ANOS1: variants seen among roughly 807,000 people sequenced by gnomAD.
ANOS1 encodes anosmin 1, also known as anosmin-1.
ANOS1 carries 6 observed loss-of-function variants against 59.0 expected under a neutral mutation model. That is an observed-to-expected ratio of 0.10 (90% CI 0.06 to 0.20). The LOEUF (loss-of-function observed/expected upper bound fraction) is 0.20, where lower values mean the gene tolerates loss of function less well. ANOS1 is among the 10% of genes least tolerant of loss of function. The pLI, the probability that ANOS1 is intolerant of heterozygous loss-of-function variation, is 1.00. For missense variants in ANOS1, 433 were observed against 542.3 expected (o/e 0.80, Z 2.00); for synonymous variants, 217 against 223.4 (o/e 0.97, Z 0.25).
intron 2 of ANOS1, among the ~76,000 whole-genome samples, chrX:8,641,920 G>A: frequency 9.0e-6 from 1 of 111,600 alleles, no homozygotes; most frequent in East Asian, 2.8e-4. Context: ...AGGGGCAAAG[G>A]AAGAGACACA....
At chrX:8,649,849 T>A (rs2146863303) in intron 2 of ANOS1, among the ~76,000 whole-genome samples, 1 of 112,527 alleles carries the variant, frequency 8.9e-6, no homozygotes, top group South Asian at 3.7e-4. Context: ...AGGAAGCCAA[T>A]CAAGTTCAAG....
intron 6 of ANOS1, among the ~76,000 whole-genome samples, chrX:8,580,916 TG>T (rs1249928325): frequency 3.6e-5 from 4 of 111,869 alleles, no homozygotes; most frequent in Non-Finnish European, 1.9e-5. Context: ...ACTACTACCT[TG>T]GAAGTGGTGA....
At chrX:8,671,723 C>T (rs963242807) in intron 2 of ANOS1, among the ~76,000 whole-genome samples, 5 of 108,266 alleles carry the variant, frequency 4.6e-5, no homozygotes, top group African/African-American at 1.7e-4. Flanking sequence ...TACAAGTATA[C>T]AAGACCATAA....
intron 3 of ANOS1, among the ~76,000 whole-genome samples, chrX:8,608,954 C>A (rs759715255): frequency 1.8e-5 from 2 of 112,496 alleles, no homozygotes; most frequent in Admixed American, 1.9e-4. Context: ...ATAAATTACC[C>A]AGTCTCTGGC....
chrX:8,587,703 T>C (rs1930541652), intron 5 of ANOS1, 91 bp downstream of exon 5: 1 of 662,420 alleles, frequency 1.5e-6, no homozygotes, highest in Admixed American at 2.7e-5. Context: ...AGTCAAGCTA[T>C]TTTGAGGCAT....
intron 6 of ANOS1, among the ~76,000 whole-genome samples, chrX:8,575,352 C>T (rs1260587121): frequency 8.9e-6 from 1 of 111,822 alleles, no homozygotes; most frequent in East Asian, 2.8e-4. Flanking sequence ...AAATAACAGC[C>T]GTTCGTGTTC....
At chrX:8,709,029 C>T (rs56186525) in intron 1 of ANOS1, among the ~76,000 whole-genome samples, 1,420 of 110,468 alleles carry the variant, frequency 0.013, 12 homozygotes, top group Non-Finnish European at 0.021. Flanking sequence ...AACCAAACAC[C>T]GCAAGTTCTC....
intron 5 of ANOS1, among the ~76,000 whole-genome samples, chrX:8,587,484 T>C (rs1930538936): frequency 8.9e-6 from 1 of 111,957 alleles, no homozygotes; most frequent in Non-Finnish European, 1.9e-5. Flanking sequence ...CTTCCTCTAG[T>C]TGGCTTTGAG....
intron 1 of ANOS1, among the ~76,000 whole-genome samples, chrX:8,729,391 CTTTTTTTTTTTT>C (rs1162458402): frequency 9.6e-5 from 7 of 72,629 alleles, no homozygotes; most frequent in African/African-American, 1.4e-4. Context: ...ACCTTCCTTC[CTTTTTTTTTTTT>C]TTTTTTTTTT....
At chrX:8,569,438 A>C (rs144043860) in intron 7 of ANOS1, among the ~76,000 whole-genome samples, 3,173 of 112,064 alleles carry the variant, frequency 0.028, 56 homozygotes, top group African/African-American at 0.056. Context: ...GTCAGGAGAT[A>C]GAGATCATCC....
chrX:8,682,346 G>A (rs1170275733), intron 2 of ANOS1, among the ~76,000 whole-genome samples: 1 of 99,387 alleles, frequency 1.0e-5, no homozygotes, highest in Non-Finnish European at 1.9e-5. Context: ...CGGAAAACGA[G>A]AATTTCACCA....
Position 8,585,019 on chromosome X carries a change from C to T in ANOS1, c.856+248G>A, listed in dbSNP as rs908379825. 3.6e-5 allele frequency among the ~76,000 whole-genome samples: 4 copies of T among 111,441 alleles called. No homozygotes were observed. In the South Asian group the frequency reaches 1.1e-3, roughly 32 times the overall value. ...CAGATGTTGATAATGAAAACCCCCC[C>T]GCCACTTCAAAGTTTAAAAAAACTC... is the stretch of plus-strand genomic sequence containing the variant. On this transcript the variant is annotated intron_variant, in intron 6 of 13. Transcript: ENST00000262648.
chrX:8,673,029 C>T (rs372388503), intron 2 of ANOS1, among the ~76,000 whole-genome samples: 1 of 111,321 alleles, frequency 9.0e-6, no homozygotes, highest in South Asian at 3.8e-4. Context: ...GTCCGCACAT[C>T]ATAGTATAAA....
chrX:8,599,548 G>A (rs1235103109), intron 3 of ANOS1, among the ~76,000 whole-genome samples: 1 of 111,778 alleles, frequency 8.9e-6, no homozygotes, highest in Non-Finnish European at 1.9e-5. Flanking sequence ...GTGACACCTG[G>A]GTAACACCGG....
At chrX:8,557,428 T>C (rs1162848789) in intron 8 of ANOS1, among the ~76,000 whole-genome samples, 1 of 111,018 alleles carries the variant, frequency 9.0e-6, no homozygotes, top group Non-Finnish European at 1.9e-5. Flanking sequence ...TATCCATCTG[T>C]CAAAGGGCTA....
intron 9 of ANOS1, among the ~76,000 whole-genome samples, chrX:8,545,337 G>A: frequency 9.9e-6 from 1 of 100,730 alleles, no homozygotes; most frequent in Non-Finnish European, 2.0e-5. Context: ...AAGAGGAGAG[G>A]AGAAGAAAGA....
chrX:8,536,058 T>C (rs1282508748), intron 11 of ANOS1, among the ~76,000 whole-genome samples: 1 of 110,932 alleles, frequency 9.0e-6, no homozygotes, highest in Non-Finnish European at 1.9e-5. Flanking sequence ...ATTTTTAGAA[T>C]GCTCTTTTGA....
intron 6 of ANOS1, among the ~76,000 whole-genome samples, chrX:8,577,569 C>T (rs1015936179): frequency 6.2e-5 from 7 of 112,452 alleles, no homozygotes; most frequent in Admixed American, 5.6e-4. Flanking sequence ...GTAAAATATG[C>T]TAAATATTTA....
intron 1 of ANOS1, among the ~76,000 whole-genome samples, chrX:8,705,871 C>G (rs1362588778): frequency 8.9e-6 from 1 of 112,301 alleles, no homozygotes; most frequent in African/African-American, 3.2e-5. Context: ...ATTGTAACCT[C>G]CAGGTAGGAT....
Sources: gnomAD v4.1 joint callset for allele counts (sites outside exome capture counted in the v4.1 genomes callset) on GRCh38, gnomAD v4.1.1 for gene constraint, MANE v1.5 for transcripts, NCBI Gene and HGNC (gene_info 2026-07-23, HGNC 2026-07-21) for gene names.